The following TREH variants were observed in gnomAD, a reference collection of about 807,000 sequenced individuals.
TREH encodes trehalase.
Under a neutral mutation model 80.5 loss-of-function variants are expected in TREH, and 69 were observed. The observed-to-expected ratio is 0.86, with a 90% CI of 0.71 to 1.05. The LOEUF is 1.05. Ranked by LOEUF, TREH falls within the 50% of genes least tolerant of loss-of-function variation. The pLI is 0.00. For synonymous variants in TREH, 309 were observed against 293.5 expected (o/e 1.05, Z -0.54); for missense variants, 716 against 718.8 (o/e 1.00, Z 0.04).
intron 4 of TREH, 87 bp from the exon 5 acceptor site, chr11:118,662,077 G>A: frequency 9.2e-7 from 1 of 1,091,950 alleles, no homozygotes; most frequent in Non-Finnish European, 1.4e-6. Context: ...GGCCCCGGGA[G>A]TCACAGCTTT....
Position 118,659,365 on chromosome 11 carries a change from C to T in TREH, c.1432+5G>A, listed in dbSNP as rs781811872. The stretch of plus-strand genomic sequence containing the variant: ...TCCTTGGCTGTGTCAGCCCTGCCTC[C>T]CTACCTCTGATGACCAGGTCCTGCA... On this transcript the variant is annotated splice_donor_5th_base_variant and intron_variant, in intron 12 of 14. Transcript: ENST00000264029. 6.4e-7 allele frequency: 1 copy of T among 1,556,678 alleles called. No homozygotes were observed. The highest frequency in any genetic ancestry group is 8.7e-7 in the Non-Finnish European group (1 of 1,149,650).
At chr11:118,662,682 CG>C in intron 4 of TREH, 198 bp downstream of exon 4, 1 of 605,574 alleles carries the variant, frequency 1.7e-6, no homozygotes, top group Non-Finnish European at 2.9e-6. Flanking sequence ...CTGGAGGAGG[CG>C]AGATGTTAGA....
chr11:118,661,585 G>T lies in TREH; in HGVS notation c.617+52C>A, dbSNP rs1366496693. ...AAGGCAATCCAGCTGCATGCCCGTG[G>T]CACACCTGCCTCTCCTCCCCACCTA... On this transcript the variant is annotated intron_variant, in intron 6 of 14. Transcript: ENST00000264029. The surrounding 1 kb of genome is among the most constrained non-coding windows in gnomAD (Gnocchi z 4.2). The T allele has an allele frequency of 1.2e-6, 2 of 1,612,836 alleles. No homozygotes were observed. Among genetic ancestry groups the T allele is most frequent in the African/African-American group, 2.7e-5 (2 of 74,920 alleles).
intron 11 of TREH, 58 bp downstream of exon 11, chr11:118,659,688 AG>A (rs1949289931): frequency 2.6e-6 from 4 of 1,538,690 alleles, no homozygotes; most frequent in Non-Finnish European, 3.5e-6. Flanking sequence ...GGTCCTGTTC[AG>A]GGTCGGGAGG....
At chr11:118,668,696 T>C in intron 1 of TREH, among the ~76,000 whole-genome samples, 1 of 152,052 alleles carries the variant, frequency 6.6e-6, no homozygotes, top group East Asian at 1.9e-4. Flanking sequence ...TCCCAGCACT[T>C]TGGGAGGCCA....
At position 118,661,191 on chromosome 11, in the gene TREH, T is replaced by G. The variant is rs1392933253; in HGVS notation, c.826A>C (p.Asn276His). 5 of 1,613,874 alleles carry G rather than the reference T, an allele frequency of 3.1e-6. No homozygotes were observed. In the Admixed American group the frequency reaches 6.7e-5, roughly 22 times the overall value. Residue 276 changes from asparagine (N) to histidine (H), a missense_variant, in exon 8 of 15, where the codon AAT becomes CAT. Coordinates refer to ENST00000264029, the MANE Select transcript of TREH (RefSeq NM_007180.3). This position sits in a 1 kb window ranked among gnomAD's most constrained non-coding sequence, Gnocchi z 4.2. ...CCCCCATAAGGGACATAATAGCGATTCAGGAGGTAGTTCTTTCCCTCCAAG... is the reference window on the plus strand; with the variant it reads ...CCCCCATAAGGGACATAATAGCGATGCAGGAGGTAGTTCTTTCCCTCCAAG... ...VSLEGKNYLL[N>H]RYYVPYGGPR...
chr11:118,658,156 C>G lies in TREH; in HGVS notation c.*133G>C, dbSNP rs559455873. 3.1e-6 allele frequency: 4 copies of G among 1,292,480 alleles called. No homozygotes were observed. The highest frequency in any genetic ancestry group is 3.0e-5 in the African/African-American group (2 of 67,024). 80.1% of individuals were successfully genotyped at this position (1,292,480 alleles called of 1,614,324 possible). On this transcript the variant is annotated 3_prime_UTR_variant, in exon 15 of 15. Transcript: ENST00000264029. ...AGGCCCCTACCCATGACCTCCAGGTCGTGACCCTGCCCTCCACTTCGCTCT... is the reference window on the plus strand; with the variant it reads ...AGGCCCCTACCCATGACCTCCAGGTGGTGACCCTGCCCTCCACTTCGCTCT...
intron 1 of TREH, among the ~76,000 whole-genome samples, chr11:118,671,672 G>C (rs1949430994): frequency 1.3e-5 from 2 of 152,038 alleles, no homozygotes; most frequent in South Asian, 4.1e-4. Context: ...CCTAGAGAAA[G>C]ACATCAATAT....
chr11:118,661,867 G>C lies in TREH; in HGVS notation c.524+23C>G. The C allele has an allele frequency of 6.4e-7, 1 of 1,565,584 alleles. No homozygotes were observed. Among genetic ancestry groups the C allele is most frequent in the East Asian group, 2.4e-5 (1 of 41,764 alleles). On this transcript the variant is annotated intron_variant, in intron 5 of 14. Coordinates refer to ENST00000264029, the MANE Select transcript of TREH (RefSeq NM_007180.3). The surrounding 1 kb of genome is among the most constrained non-coding windows in gnomAD (Gnocchi z 4.2). ...CACTGCCAGTCCTGCAGGCCCCTTG[G>C]TCTCTTGGGCCTGGGCGCTCACCAG...
At chr11:118,668,463 T>A (rs1408052851) in intron 1 of TREH, among the ~76,000 whole-genome samples, 3 of 83,256 alleles carry the variant, frequency 3.6e-5, no homozygotes, top group African/African-American at 5.2e-5. Context: ...CTTGGGAGGC[T>A]GAGGTGGCAG....
chr11:118,659,134 T>A, intron 12 of TREH, 117 bp from the exon 13 acceptor site: 1 of 1,154,672 alleles, frequency 8.7e-7, no homozygotes, highest in Non-Finnish European at 1.2e-6. Context: ...ACTTCCTTCC[T>A]GAGACCACAG....
chr11:118,676,907 C>T (rs1490180064), intron 1 of TREH, among the ~76,000 whole-genome samples: 1 of 152,104 alleles, frequency 6.6e-6, no homozygotes, highest in African/African-American at 2.4e-5. Flanking sequence ...AAAAATGAAA[C>T]TAATTCCTCA....
At position 118,663,361 on chromosome 11, in the gene TREH, G is replaced by A. The variant is rs1555145368; in HGVS notation, c.168C>T (p.Asp56=). ...CACCTGGAGCTATAGACAGTGGCAT[G>A]TCCACAAACTGCTTGTCATCCTGGT... ...KLYQDDKQFV[D]MPLSIAPEQV... Residue 56 remains aspartate, a synonymous_variant, in exon 2 of 15, where the codon GAC becomes GAT. Coordinates refer to ENST00000264029, the MANE Select transcript of TREH (RefSeq NM_007180.3). 1 of 1,595,168 alleles carries A rather than the reference G, an allele frequency of 6.3e-7. No individual in the cohort carries two copies. The highest frequency in any genetic ancestry group is 2.3e-5 in the East Asian group (1 of 44,280).
intron 1 of TREH, among the ~76,000 whole-genome samples, chr11:118,677,773 T>A (rs1461932363): frequency 6.6e-6 from 1 of 152,126 alleles, no homozygotes; most frequent in Admixed American, 6.5e-5. Context: ...CATTTGGAAG[T>A]GTTAGTGAAT....
chr11:118,669,158 C>G (rs1445699403), intron 1 of TREH, among the ~76,000 whole-genome samples: 3 of 152,164 alleles, frequency 2.0e-5, no homozygotes, highest in African/African-American at 7.2e-5. Flanking sequence ...CATTTCATCC[C>G]TATTAAAATG....
intron 1 of TREH, among the ~76,000 whole-genome samples, chr11:118,676,061 T>C (rs1404238366): frequency 1.3e-5 from 2 of 152,214 alleles, no homozygotes; most frequent in Non-Finnish European, 2.9e-5. Context: ...ATACGCATGA[T>C]TGATTGAATC....
At position 118,674,328 on chromosome 11, in the gene TREH, A is replaced by G. The variant is rs1315017959; in HGVS notation, c.89+5211T>C. Reference sequence around the variant, plus strand: ...AGTCTATGCTCCAGAGAAGGCTAACAATCTCTGTGGACTTGGGCAATCTTA... The same window carrying G: ...AGTCTATGCTCCAGAGAAGGCTAACGATCTCTGTGGACTTGGGCAATCTTA... On this transcript the variant is annotated intron_variant, in intron 1 of 14. Coordinates refer to ENST00000264029, the MANE Select transcript of TREH (RefSeq NM_007180.3). This position sits in a 1 kb window ranked among gnomAD's most constrained non-coding sequence, Gnocchi z 4.4. Among the ~76,000 whole-genome samples, 1 of 152,186 alleles carries G rather than the reference A, an allele frequency of 6.6e-6. No homozygotes were observed. The highest frequency in any genetic ancestry group is 1.9e-4 in the East Asian group (1 of 5,192).
In TREH at chr11:118,659,473, C is replaced by T. The variant is rs369679930; in HGVS notation, c.1329G>A (p.Arg443=). ...DKALKYLEDN[R]ILTYQYGIPT... ...GGATCCCATACTGGTAAGTCAGGAT[C>T]CGGTTGTCCTAGAAGGTCCCAGACA... is the stretch of plus-strand genomic sequence containing the variant. The change falls in exon 12 of 15, where the codon CGG becomes CGA. Residue 443 remains arginine (R), a synonymous_variant. Transcript: ENST00000264029. 2.1e-5 allele frequency: 34 copies of T among 1,594,264 alleles called. 1 individual carries two copies. In the Middle Eastern group the frequency reaches 6.7e-4, roughly 31 times the overall value.
At chr11:118,672,424 T>C (rs1949438485) in intron 1 of TREH, among the ~76,000 whole-genome samples, 1 of 144,122 alleles carries the variant, frequency 6.9e-6, no homozygotes, top group Admixed American at 7.0e-5. Context: ...AAAAAGTTAA[T>C]GATCGCTGGG....
Sources: gnomAD v4.1 joint callset for allele counts (sites outside exome capture counted in the v4.1 genomes callset) on GRCh38, gnomAD v4.1.1 for gene constraint, Gnocchi (gnomAD v3.1) non-coding constraint, MANE v1.5 for transcripts, NCBI Gene and HGNC (gene_info 2026-07-23, HGNC 2026-07-21) for gene names.